The following TRABD2B variants were observed in gnomAD, a reference collection of about 807,000 sequenced individuals.
The protein encoded by TRABD2B is metalloprotease TIKI2.
Under a neutral mutation model 40.1 loss-of-function variants are expected in TRABD2B, and 14 were observed. The observed-to-expected ratio is 0.35, with a 90% CI of 0.23 to 0.55. The LOEUF (loss-of-function observed/expected upper bound fraction) is 0.55, where lower values mean the gene tolerates loss of function less well. TRABD2B is among the 20% of genes least tolerant of loss of function. TRABD2B has a pLI of 0.90. For synonymous variants in TRABD2B, 263 were observed against 277.0 expected (o/e 0.95, Z 0.50); for missense variants, 541 against 648.6 (o/e 0.83, Z 1.80).
chr1:47,923,128 T>A (rs1230336503), intron 2 of TRABD2B, among the ~76,000 whole-genome samples: 2 of 152,242 alleles, frequency 1.3e-5, no homozygotes, highest in Non-Finnish European at 2.9e-5. Context: ...CACCTTCCCC[T>A]GCCCAACCTG....
chr1:47,767,222 C>T (rs1345866067), intron 6 of TRABD2B, among the ~76,000 whole-genome samples: 2 of 152,116 alleles, frequency 1.3e-5, no homozygotes, highest in Non-Finnish European at 2.9e-5. Flanking sequence ...CATGCCTATC[C>T]TCGAGGAACC....
intron 2 of TRABD2B, among the ~76,000 whole-genome samples, chr1:47,838,731 G>A (rs1008471856): frequency 3.3e-5 from 5 of 152,220 alleles, no homozygotes. Context: ...CAGTCACATG[G>A]CTGACAGATA....
intron 3 of TRABD2B, among the ~76,000 whole-genome samples, chr1:47,798,720 C>G (rs1187178513): frequency 6.6e-6 from 1 of 152,190 alleles, no homozygotes; most frequent in Non-Finnish European, 1.5e-5. Context: ...TCTAGGGGAC[C>G]CTACTGCCAA....
At chr1:47,941,133 C>T (rs1423773112) in intron 2 of TRABD2B, among the ~76,000 whole-genome samples, 1 of 152,208 alleles carries the variant, frequency 6.6e-6, no homozygotes, top group East Asian at 1.9e-4. Flanking sequence ...CTCTGAGACT[C>T]TCACCCTGGC....
intron 2 of TRABD2B, among the ~76,000 whole-genome samples, chr1:47,867,956 G>A (rs1431290842): frequency 2.0e-5 from 3 of 152,188 alleles, no homozygotes; most frequent in African/African-American, 7.2e-5. Flanking sequence ...ATGGAGTTTG[G>A]ACTTCCTTTA....
At chr1:47,873,460 C>T (rs1409307237) in intron 2 of TRABD2B, among the ~76,000 whole-genome samples, 1 of 152,126 alleles carries the variant, frequency 6.6e-6, no homozygotes, top group Non-Finnish European at 1.5e-5. Flanking sequence ...GAGCTCCAAA[C>T]ATACACTCTT....
rs564649130 is a variant in TRABD2B at position 47,944,745 on chromosome 1, C to T, written c.666+49289G>A. Among the ~76,000 whole-genome samples, 5 of 152,210 alleles carry T rather than the reference C, an allele frequency of 3.3e-5. No homozygotes were observed. The East Asian group carries it at 5.8e-4, about 18-fold the overall frequency. On this transcript the variant is annotated intron_variant, in intron 2 of 6. Coordinates refer to ENST00000606738, the MANE Select transcript of TRABD2B (RefSeq NM_001194986.2). ...CTACTCCCTGGCAGCAGACTCTTCCCGAAGGCAGATGTAAGCAGCTCACGG... is the reference window on the plus strand; with the variant it reads ...CTACTCCCTGGCAGCAGACTCTTCCTGAAGGCAGATGTAAGCAGCTCACGG...
At chr1:47,792,493 G>A (rs1644688456) in intron 4 of TRABD2B, among the ~76,000 whole-genome samples, 1 of 152,162 alleles carries the variant, frequency 6.6e-6, no homozygotes, top group Non-Finnish European at 1.5e-5. Context: ...GGATGGGTGT[G>A]AGGTCTTTCT....
chr1:47,988,927 C>T (rs1052193846), intron 2 of TRABD2B, among the ~76,000 whole-genome samples: 2 of 152,184 alleles, frequency 1.3e-5, no homozygotes, highest in Non-Finnish European at 2.9e-5. Context: ...CTCCAAAATT[C>T]GTATGTTGAA....
In TRABD2B at chr1:47,997,181, C is replaced by A. The variant is rs768384951; in HGVS notation, c.-392G>T. On this transcript the variant is annotated 5_prime_UTR_variant, in exon 1 of 7. Coordinates refer to ENST00000606738, the MANE Select transcript of TRABD2B (RefSeq NM_001194986.2). ...AAGGGTCCCGGGGTTATGCTGGGCA[C>A]CCGGGGCACGCAAGGGTCCCAGGGG... 1,128 of 983,356 alleles carry A rather than the reference C, an allele frequency of 1.1e-3. 2 individuals are homozygous for A. The highest frequency in any genetic ancestry group is 1.3e-3 in the Non-Finnish European group (1,078 of 829,190). The allele number at this position is 983,356 out of a possible 1,614,324, so 60.9% of individuals were successfully genotyped here.
chr1:47,929,772 C>T (rs373271380), intron 2 of TRABD2B, among the ~76,000 whole-genome samples: 1 of 152,178 alleles, frequency 6.6e-6, no homozygotes, highest in Non-Finnish European at 1.5e-5. Context: ...ATGGGCAATG[C>T]ACACTAAACC....
At chr1:47,953,299 C>A (rs1645372965) in intron 2 of TRABD2B, among the ~76,000 whole-genome samples, 1 of 152,208 alleles carries the variant, frequency 6.6e-6, no homozygotes, top group African/African-American at 2.4e-5. Context: ...GGAACACATA[C>A]AAACGTGCAA....
intron 2 of TRABD2B, among the ~76,000 whole-genome samples, chr1:47,928,533 A>G (rs573295217): frequency 1.3e-5 from 2 of 152,206 alleles, no homozygotes; most frequent in Non-Finnish European, 2.9e-5. Context: ...CTGTGAAAAG[A>G]CTGCTTTTCT....
At chr1:47,883,866 A>G (rs1390459485) in intron 2 of TRABD2B, among the ~76,000 whole-genome samples, 4 of 152,290 alleles carry the variant, frequency 2.6e-5, no homozygotes, top group African/African-American at 9.6e-5. Flanking sequence ...TGCTCAAAGC[A>G]TCTGGGAGGT....
chr1:47,983,756 G>GA (rs67664418), intron 2 of TRABD2B, among the ~76,000 whole-genome samples: 24 of 122,194 alleles, frequency 2.0e-4, no homozygotes, highest in African/African-American at 1.6e-4. Flanking sequence ...GGCAAAAAAA[G>GA]AAAAAAAAAA....
At chr1:47,769,092 C>T (rs763009846) in intron 6 of TRABD2B, among the ~76,000 whole-genome samples, 7 of 152,258 alleles carry the variant, frequency 4.6e-5, no homozygotes, top group Non-Finnish European at 8.8e-5. Flanking sequence ...CTGGCCTCAG[C>T]CCCTGGAGGG....
intron 2 of TRABD2B, among the ~76,000 whole-genome samples, chr1:47,861,042 C>G (rs1051689674): frequency 6.6e-6 from 1 of 152,224 alleles, no homozygotes; most frequent in African/African-American, 2.4e-5. Context: ...TGGTGATCAT[C>G]TCTTCCAATT....
At chr1:47,792,473 T>C (rs577219715) in intron 4 of TRABD2B, among the ~76,000 whole-genome samples, 1 of 152,050 alleles carries the variant, frequency 6.6e-6, no homozygotes, top group African/African-American at 2.4e-5. Context: ...CCAGTGGGCA[T>C]GGACAGAATG....
intron 4 of TRABD2B, among the ~76,000 whole-genome samples, chr1:47,791,496 C>G (rs574813009): frequency 6.6e-6 from 1 of 152,196 alleles, no homozygotes; most frequent in South Asian, 2.1e-4. Context: ...TCCTACATCC[C>G]ATAGCCTTGG....
Sources: allele counts gnomAD v4.1 joint callset (sites outside exome capture counted in the v4.1 genomes callset), GRCh38; gene constraint gnomAD v4.1.1; transcripts MANE v1.5; gene names NCBI Gene and HGNC (gene_info 2026-07-23, HGNC 2026-07-21).